C1orf21: variants seen among roughly 807,000 people sequenced by gnomAD.
C1orf21 encodes chromosome 1 open reading frame 21, also known as uncharacterized protein C1orf21.
C1orf21 carries 3 observed loss-of-function variants against 18.7 expected under a neutral mutation model. The observed-to-expected ratio is 0.16, with a 90% CI of 0.07 to 0.42. The LOEUF (loss-of-function observed/expected upper bound fraction) is 0.42. C1orf21 is among the 10% of genes least tolerant of loss of function. The pLI is 0.99. For missense variants in C1orf21, 104 were observed against 143.6 expected (o/e 0.72, Z 1.41); for synonymous variants, 41 against 46.4 (o/e 0.88, Z 0.47).
chr1:184,491,483 G>A (rs1657815998), intron 2 of C1orf21, among the ~76,000 whole-genome samples: 1 of 151,712 alleles, frequency 6.6e-6, no homozygotes, highest in African/African-American at 2.4e-5. Flanking sequence ...CTAAATAGCT[G>A]GGACTACAGG....
chr1:184,403,127 A>G (rs1470531896), intron 1 of C1orf21, among the ~76,000 whole-genome samples: 1 of 152,214 alleles, frequency 6.6e-6, no homozygotes, highest in Non-Finnish European at 1.5e-5. Context: ...ACTGCCTTAA[A>G]AGAACTCTTA....
In C1orf21 at chr1:184,545,560, G is replaced by A. The variant is rs533364915; in HGVS notation, c.189+37878G>A. Reference sequence around the variant, plus strand: ...CTCGTGTTCCCTGCCTGTCTTCAGGGAACTATACAGATCTTTATTTTCCAA... The same window carrying A: ...CTCGTGTTCCCTGCCTGTCTTCAGGAAACTATACAGATCTTTATTTTCCAA... On this transcript the variant is annotated intron_variant, in intron 3 of 5. Transcript: ENST00000235307. 2.0e-5 allele frequency among the ~76,000 whole-genome samples: 3 copies of A among 152,004 alleles called. 1 individual carries two copies. In the East Asian group the frequency reaches 5.8e-4, roughly 29 times the overall value.
intron 1 of C1orf21, among the ~76,000 whole-genome samples, chr1:184,457,884 G>T (rs1033293478): frequency 6.6e-6 from 1 of 152,078 alleles, no homozygotes; most frequent in Non-Finnish European, 1.5e-5. Flanking sequence ...ATAAGTATTC[G>T]CTTATTTATA....
At chr1:184,550,405 CT>C (rs1343715511) in intron 3 of C1orf21, among the ~76,000 whole-genome samples, 3 of 152,208 alleles carry the variant, frequency 2.0e-5, no homozygotes, top group African/African-American at 7.2e-5. Flanking sequence ...CTAAATTTCT[CT>C]TTGCTGCCTT....
At chr1:184,416,075 AG>A (rs1277278891) in intron 1 of C1orf21, among the ~76,000 whole-genome samples, 3 of 152,230 alleles carry the variant, frequency 2.0e-5, no homozygotes, top group Non-Finnish European at 4.4e-5. Context: ...ACATCTTCAT[AG>A]GAACAAAATC....
intron 3 of C1orf21, among the ~76,000 whole-genome samples, chr1:184,527,599 G>A (rs948510770): frequency 6.6e-5 from 10 of 152,134 alleles, no homozygotes; most frequent in South Asian, 4.1e-4. Flanking sequence ...TGATGGGACC[G>A]GGAGTAAGGT....
chr1:184,557,086 G>C (rs984626674), intron 3 of C1orf21, among the ~76,000 whole-genome samples: 1 of 152,132 alleles, frequency 6.6e-6, no homozygotes, highest in African/African-American at 2.4e-5. Flanking sequence ...TGTGTGAGCT[G>C]CTCTCTGCTC....
chr1:184,392,001 C>T (rs1373117625), intron 1 of C1orf21, among the ~76,000 whole-genome samples: 1 of 152,196 alleles, frequency 6.6e-6, no homozygotes, highest in Admixed American at 6.5e-5. Flanking sequence ...AGCCACCGTG[C>T]CCGGCCCCCA....
chr1:184,565,231 T>G (rs1175530359), intron 3 of C1orf21, among the ~76,000 whole-genome samples: 1 of 152,230 alleles, frequency 6.6e-6, no homozygotes, highest in Non-Finnish European at 1.5e-5. Context: ...ATTCTGATAT[T>G]ATTCATGAGG....
At chr1:184,485,470 T>C (rs1657719227) in intron 2 of C1orf21, among the ~76,000 whole-genome samples, 2 of 152,244 alleles carry the variant, frequency 1.3e-5, no homozygotes, top group East Asian at 1.9e-4. Flanking sequence ...TGCTGATTTA[T>C]GTGACTGAGA....
Position 184,623,197 on chromosome 1 carries a change from A to C in C1orf21, c.*3641A>C, listed in dbSNP as rs1168984402. ...TCTATCTCTACTAGTCATAGAAAAGAAACATTGTTAAACATGTTGAGTTTT... is the reference window on the plus strand; with the variant it reads ...TCTATCTCTACTAGTCATAGAAAAGCAACATTGTTAAACATGTTGAGTTTT... On this transcript the variant is annotated 3_prime_UTR_variant, in exon 6 of 6. Transcript: ENST00000235307. 1 of 152,238 alleles carries C rather than the reference A, an allele frequency of 6.6e-6. No homozygotes were observed. The highest frequency in any genetic ancestry group is 2.4e-5 in the African/African-American group (1 of 41,458). 9.4% of individuals were successfully genotyped at this position (152,238 alleles called of 1,614,324 possible).
rs141608797 is a variant in C1orf21, at chr1:184,541,149, T to C, written c.189+33467T>C. ...AATTGGGATTTAAAGACATGTTGTC[T>C]GTGACATCTGGCCTCTTGGAGAAGG... is the stretch of plus-strand genomic sequence containing the variant. On this transcript the variant is annotated intron_variant, in intron 3 of 5. Transcript: ENST00000235307. 7.5e-3 allele frequency among the ~76,000 whole-genome samples: 1,149 copies of C among 152,338 alleles called. 6 individuals are homozygous for C. The highest frequency in any genetic ancestry group is 0.02 in the Middle Eastern group (6 of 294).
intron 5 of C1orf21, among the ~76,000 whole-genome samples, chr1:184,605,968 C>G (rs2102005662): frequency 6.6e-6 from 1 of 152,284 alleles, no homozygotes; most frequent in South Asian, 2.1e-4. Context: ...AAACTTGGAT[C>G]CTGCGTGAGC....
intron 5 of C1orf21, among the ~76,000 whole-genome samples, chr1:184,603,219 C>T (rs986620148): frequency 6.6e-6 from 1 of 152,170 alleles, no homozygotes; most frequent in African/African-American, 2.4e-5. Flanking sequence ...GCCTAGCTGG[C>T]GACCCTATCC....
At chr1:184,438,391 C>T (rs1656891103) in intron 1 of C1orf21, among the ~76,000 whole-genome samples, 1 of 152,168 alleles carries the variant, frequency 6.6e-6, no homozygotes, top group Non-Finnish European at 1.5e-5. Context: ...TTGGTGTGTT[C>T]TTCTATGGCA....
chr1:184,411,448 G>A (rs1250857860), intron 1 of C1orf21, among the ~76,000 whole-genome samples: 6 of 124,908 alleles, frequency 4.8e-5, no homozygotes, highest in Non-Finnish European at 6.3e-5. Context: ...TTGAGACGGA[G>A]TCTCACTCTG....
At chr1:184,482,012 T>TG (rs1289984963) in intron 2 of C1orf21, among the ~76,000 whole-genome samples, 3 of 152,102 alleles carry the variant, frequency 2.0e-5, no homozygotes, top group African/African-American at 7.2e-5. Context: ...GGCAGATGAG[T>TG]GATAGTGATA....
At chr1:184,462,040 G>T (rs1352335483) in intron 1 of C1orf21, among the ~76,000 whole-genome samples, 1 of 152,176 alleles carries the variant, frequency 6.6e-6, no homozygotes. Context: ...TTAAACAACA[G>T]GGAGGAGGAC....
At chr1:184,480,115 C>T (rs1483318729) in intron 2 of C1orf21, among the ~76,000 whole-genome samples, 1 of 152,110 alleles carries the variant, frequency 6.6e-6, no homozygotes, top group Non-Finnish European at 1.5e-5. Flanking sequence ...CTCATGATAA[C>T]AGTCAGGGGA....
Sources: gnomAD v4.1 joint callset for allele counts (sites outside exome capture counted in the v4.1 genomes callset) on GRCh38, gnomAD v4.1.1 for gene constraint, MANE v1.5 for transcripts, NCBI Gene and HGNC (gene_info 2026-07-23, HGNC 2026-07-21) for gene names.